Variants in CAMK2D observed in about 807,000 individuals in gnomAD.
CAMK2D encodes calcium/calmodulin dependent protein kinase II delta.
CAMK2D carries 37 observed loss-of-function variants against 84.0 expected under a neutral mutation model. That is an observed-to-expected ratio of 0.44 (90% CI 0.34 to 0.58). The LOEUF is 0.58. Ranked by LOEUF, CAMK2D falls within the 20% of genes least tolerant of loss-of-function variation. The pLI, the probability that CAMK2D is intolerant of heterozygous loss-of-function variation, is 0.02. For synonymous variants in CAMK2D, 202 were observed against 212.5 expected (o/e 0.95, Z 0.43); for missense variants, 448 against 652.5 (o/e 0.69, Z 3.41).
At chr4:113,542,586 GCGCCTGTAGTCCCAGCT>G (rs2098537824) in intron 6 of CAMK2D, among the ~76,000 whole-genome samples, 1 of 152,066 alleles carries the variant, frequency 6.6e-6, no homozygotes, top group South Asian at 2.1e-4. Context: ...ATGGTGGCGG[GCGCCTGTAGTCCCAGCT>G]ACTCGGGAGG....
At chr4:113,481,688 G>A (rs1382712024) in intron 16 of CAMK2D, among the ~76,000 whole-genome samples, 2 of 152,100 alleles carry the variant, frequency 1.3e-5, no homozygotes, top group Non-Finnish European at 2.9e-5. Flanking sequence ...TGTCATGTTG[G>A]CCAGGCTGGT....
chr4:113,474,700 G>A (rs1438359812), intron 16 of CAMK2D, among the ~76,000 whole-genome samples: 2 of 152,058 alleles, frequency 1.3e-5, no homozygotes, highest in Non-Finnish European at 2.9e-5. Flanking sequence ...AGGCTGGAGT[G>A]CAAAGGTGTG....
At chr4:113,673,501 G>A (rs1337524535) in intron 2 of CAMK2D, among the ~76,000 whole-genome samples, 2 of 152,192 alleles carry the variant, frequency 1.3e-5, no homozygotes, top group African/African-American at 4.8e-5. Flanking sequence ...TGCAAAGACA[G>A]CTAAAAACAT....
At chr4:113,464,583 C>T (rs1181696485) in intron 17 of CAMK2D, among the ~76,000 whole-genome samples, 1 of 152,160 alleles carries the variant, frequency 6.6e-6, no homozygotes, top group African/African-American at 2.4e-5. Flanking sequence ...AAGGAGAAGG[C>T]CCTATTTAAA....
intron 6 of CAMK2D, 107 bp from the exon 7 acceptor site, chr4:113,537,550 G>A (rs2098502043): frequency 1.5e-6 from 1 of 663,488 alleles, no homozygotes; most frequent in Non-Finnish European, 2.6e-6. Flanking sequence ...TTCATGCACT[G>A]TCATCTTTCC....
intron 3 of CAMK2D, among the ~76,000 whole-genome samples, chr4:113,624,488 G>C (rs1272637494): frequency 6.6e-6 from 1 of 152,160 alleles, no homozygotes; most frequent in African/African-American, 2.4e-5. Context: ...GGCAGGAACG[G>C]TGGGCATATT....
intron 3 of CAMK2D, among the ~76,000 whole-genome samples, chr4:113,648,962 TCC>T (rs2099162232): frequency 6.6e-6 from 1 of 152,204 alleles, no homozygotes. Context: ...TTCTAATTTC[TCC>T]CAATGTTTTT....
chr4:113,513,491 T>C, intron 11 of CAMK2D, 121 bp from the exon 12 acceptor site: 3 of 738,672 alleles, frequency 4.1e-6, no homozygotes, highest in South Asian at 3.3e-5. Context: ...GGATTTTTTA[T>C]TGTTTGTTTT....
chr4:113,738,332 G>C (rs1259542551), intron 2 of CAMK2D, among the ~76,000 whole-genome samples: 1 of 151,820 alleles, frequency 6.6e-6, no homozygotes. Context: ...TATTATACAA[G>C]ATGGTCTGTA....
intron 2 of CAMK2D, among the ~76,000 whole-genome samples, chr4:113,672,575 T>C (rs1231909646): frequency 1.3e-5 from 2 of 151,908 alleles, no homozygotes; most frequent in Non-Finnish European, 2.9e-5. Context: ...ATCCTTTGAA[T>C]TGAAAAAAGA....
At chr4:113,737,971 C>A (rs2099585023) in intron 2 of CAMK2D, among the ~76,000 whole-genome samples, 1 of 152,080 alleles carries the variant, frequency 6.6e-6, no homozygotes, top group Non-Finnish European at 1.5e-5. Context: ...ATCTGGAAAG[C>A]CATAGTCACA....
intron 3 of CAMK2D, among the ~76,000 whole-genome samples, chr4:113,609,984 T>C (rs897449304): frequency 6.6e-6 from 1 of 152,210 alleles, no homozygotes; most frequent in Non-Finnish European, 1.5e-5. Flanking sequence ...TACTTGTTCA[T>C]AAGCCCCACA....
At position 113,513,920 on chromosome 4, in the gene CAMK2D, G is replaced by C. The variant is rs770662144; in HGVS notation, c.820-7C>G. The C allele has an allele frequency of 6.9e-7, 1 of 1,449,702 alleles. No homozygotes were observed. Among genetic ancestry groups the C allele is most frequent in the South Asian group, 1.2e-5 (1 of 83,752 alleles). The allele number at this position is 1,449,702 out of a possible 1,614,324, so 89.8% of individuals were successfully genotyped here. ...AAGCAACAGTAGAACGTTGCTAGAAGAAGAGGAGAAAAAGTAACTTAATTG... is the reference window on the plus strand; with the variant it reads ...AAGCAACAGTAGAACGTTGCTAGAACAAGAGGAGAAAAAGTAACTTAATTG... On this transcript the variant is annotated splice_region_variant and splice_polypyrimidine_tract_variant and intron_variant, in intron 10 of 20. Transcript: ENST00000511664.
intron 2 of CAMK2D, among the ~76,000 whole-genome samples, chr4:113,723,594 T>C (rs1043518640): frequency 6.6e-6 from 1 of 152,198 alleles, no homozygotes; most frequent in Non-Finnish European, 1.5e-5. Flanking sequence ...CACGCTATAC[T>C]CCTTATCTGA....
intron 7 of CAMK2D, among the ~76,000 whole-genome samples, chr4:113,535,077 G>C (rs1007642288): frequency 6.6e-6 from 1 of 152,164 alleles, no homozygotes; most frequent in Admixed American, 6.5e-5. Flanking sequence ...TTGAGCCTCA[G>C]ACCTGATAAC....
intron 2 of CAMK2D, among the ~76,000 whole-genome samples, chr4:113,743,906 T>A (rs2099598638): frequency 6.6e-6 from 1 of 152,080 alleles, no homozygotes; most frequent in African/African-American, 2.4e-5. Context: ...AGTGGTGCAA[T>A]CCTGGCTTAC....
chr4:113,518,217 CTCAG>C (rs1246263988), intron 8 of CAMK2D, among the ~76,000 whole-genome samples: 1 of 152,016 alleles, frequency 6.6e-6, no homozygotes, highest in Non-Finnish European at 1.5e-5. Context: ...TTCAAGCCTT[CTCAG>C]TCAAACAACT....
In CAMK2D at chr4:113,501,916, A is replaced by C. The variant is rs554809603; in HGVS notation, c.1086+1020T>G. Among the ~76,000 whole-genome samples the C allele has an allele frequency of 2.6e-5, 4 of 152,252 alleles. No individual in the cohort carries two copies. In the East Asian group the frequency reaches 7.7e-4, roughly 29 times the overall value. On this transcript the variant is annotated intron_variant, in intron 15 of 20. Transcript: ENST00000511664. Reference sequence around the variant, plus strand: ...ACCATTTGCAGTGTCATGACTATAAAATAAATCTCATATTAAAGAACATAA... The same window carrying C: ...ACCATTTGCAGTGTCATGACTATAACATAAATCTCATATTAAAGAACATAA...
intron 16 of CAMK2D, among the ~76,000 whole-genome samples, chr4:113,498,561 G>A (rs1191164259): frequency 1.3e-5 from 2 of 152,050 alleles, no homozygotes; most frequent in Admixed American, 6.6e-5. Flanking sequence ...TGGGTTAAAC[G>A]ATCAACTGGA....
Sources: allele counts gnomAD v4.1 joint callset (sites outside exome capture counted in the v4.1 genomes callset), GRCh38; gene constraint gnomAD v4.1.1; transcripts MANE v1.5; gene names NCBI Gene and HGNC (gene_info 2026-07-23, HGNC 2026-07-21).